SYT10: variants seen among roughly 807,000 people sequenced by gnomAD.
SYT10 encodes the protein synaptotagmin-10.
Under a neutral mutation model 51.1 loss-of-function variants are expected in SYT10, and 31 were observed. That is an observed-to-expected ratio of 0.61 (90% CI 0.46 to 0.82). The LOEUF is 0.82. Among genes scored for constraint, SYT10 ranks in the 40% least tolerant of loss-of-function variants. The pLI is 0.00. For synonymous variants in SYT10, 233 were observed against 225.9 expected, an observed-to-expected ratio of 1.03 and a Z score of -0.28; for missense variants, 603 against 634.0, an observed-to-expected ratio of 0.95 and a Z score of 0.53.
intron 1 of SYT10, among the ~76,000 whole-genome samples, chr12:33,429,304 T>C (rs1470706542): frequency 6.6e-6 from 1 of 152,214 alleles, no homozygotes; most frequent in South Asian, 2.1e-4. Context: ...TATTTTTCTC[T>C]CCAAAGGAGG....
intron 3 of SYT10, among the ~76,000 whole-genome samples, chr12:33,396,652 T>C (rs896182309): frequency 1.3e-5 from 2 of 152,318 alleles, no homozygotes; most frequent in African/African-American, 4.8e-5. Flanking sequence ...GCAGAAATTC[T>C]TACTTTTTCA....
At chr12:33,415,543 A>G (rs1866445519) in intron 2 of SYT10, among the ~76,000 whole-genome samples, 1 of 152,216 alleles carries the variant, frequency 6.6e-6, no homozygotes, top group South Asian at 2.1e-4. Flanking sequence ...ATATTGCTTA[A>G]GAAATCACAG....
At chr12:33,399,235 T>G (rs764472302) in intron 3 of SYT10, among the ~76,000 whole-genome samples, 8 of 152,186 alleles carry the variant, frequency 5.3e-5, no homozygotes, top group Non-Finnish European at 1.2e-4. Context: ...ATGACACCCT[T>G]CCAATGAGTC....
intron 3 of SYT10, among the ~76,000 whole-genome samples, chr12:33,395,549 G>C (rs1316250340): frequency 6.6e-6 from 1 of 152,162 alleles, no homozygotes. Flanking sequence ...CCAGGACACA[G>C]CTGATAGAAT....
chr12:33,386,588 G>C (rs529181208), intron 3 of SYT10, among the ~76,000 whole-genome samples: 1 of 151,994 alleles, frequency 6.6e-6, no homozygotes, highest in East Asian at 1.9e-4. Flanking sequence ...TCTGCAGTGG[G>C]GTCTTCTCCC....
At chr12:33,398,369 C>T (rs1269860154) in intron 3 of SYT10, among the ~76,000 whole-genome samples, 6 of 151,726 alleles carry the variant, frequency 4.0e-5, no homozygotes, top group Admixed American at 2.6e-4. Context: ...AAAAATTAGC[C>T]GAGCGTGGTG....
At chr12:33,392,641 G>A (rs746272591) in intron 3 of SYT10, among the ~76,000 whole-genome samples, 12 of 152,012 alleles carry the variant, frequency 7.9e-5, no homozygotes, top group Admixed American at 2.0e-4. Context: ...CTCACCAGGT[G>A]CCTTTTAGCA....
At position 33,394,426 on chromosome 12, in the gene SYT10, G is replaced by A. The variant is rs1481544532; in HGVS notation, c.1078-9135C>T. Among the ~76,000 whole-genome samples, 3 of 152,156 alleles carry A rather than the reference G, an allele frequency of 2.0e-5. No individual in the cohort carries two copies. In the East Asian group the frequency reaches 5.8e-4, roughly 29 times the overall value. On this transcript the variant is annotated intron_variant, in intron 3 of 6. Coordinates refer to ENST00000228567, the MANE Select transcript of SYT10 (RefSeq NM_198992.4). ...CAAAATATGAGGGTAATACATTTAA[G>A]AAATCTAAATATTAGGGCAAGAACT...
chr12:33,429,257 C>T (rs1299670822), intron 1 of SYT10, among the ~76,000 whole-genome samples: 4 of 152,112 alleles, frequency 2.6e-5, no homozygotes, highest in Non-Finnish European at 1.5e-5. Flanking sequence ...TTATAGGTCT[C>T]GAGGCAGGAA....
intron 3 of SYT10, among the ~76,000 whole-genome samples, chr12:33,386,325 C>T (rs577639454): frequency 4.1e-4 from 62 of 152,258 alleles, no homozygotes; most frequent in African/African-American, 1.3e-3. Flanking sequence ...ACGTCACACA[C>T]ATAAGGTTTA....
At chr12:33,412,003 A>ATAGAAAATCT (rs1157026765) in intron 2 of SYT10, among the ~76,000 whole-genome samples, 1 of 152,156 alleles carries the variant, frequency 6.6e-6, no homozygotes, top group Non-Finnish European at 1.5e-5. Context: ...ATTTTATTGA[A>ATAGAAAATCT]TAGAAAATCT....
intron 2 of SYT10, among the ~76,000 whole-genome samples, chr12:33,409,574 C>T (rs537317423): frequency 6.6e-6 from 1 of 151,160 alleles, no homozygotes. Flanking sequence ...AGTGCAGTGG[C>T]GTGATCTCGG....
intron 5 of SYT10, among the ~76,000 whole-genome samples, chr12:33,380,760 A>G (rs1866107062): frequency 6.6e-6 from 1 of 152,202 alleles, no homozygotes; most frequent in Admixed American, 6.5e-5. Flanking sequence ...AGTAAGAGGC[A>G]GAGACAGGAG....
chr12:33,395,812 C>T (rs879527658), intron 3 of SYT10, among the ~76,000 whole-genome samples: 1 of 152,250 alleles, frequency 6.6e-6, no homozygotes. Context: ...ATATTAGTTT[C>T]GGCAATTCCA....
chr12:33,407,277 A>G lies in SYT10; in HGVS notation c.589T>C (p.Leu197=), dbSNP rs1458072833. The G allele has an allele frequency of 6.2e-7, 1 of 1,613,280 alleles. No homozygotes were observed. The highest frequency in any genetic ancestry group is 2.2e-5 in the East Asian group (1 of 44,888). ...VDFSMGTEPV[L]QRGETTTSIG... ...CTGGTTGTTGTTTCTCCTCGTTGTAAAACAGGTTCTGTGCCCATGCTAAAA... is the reference window on the plus strand; with the variant it reads ...CTGGTTGTTGTTTCTCCTCGTTGTAGAACAGGTTCTGTGCCCATGCTAAAA... Residue 197 remains leucine, a synonymous_variant, in exon 3 of 7, where the codon TTA becomes CTA. Coordinates refer to ENST00000228567, the MANE Select transcript of SYT10 (RefSeq NM_198992.4).
At chr12:33,406,736 C>T (rs531915199) in intron 3 of SYT10, 53 bp downstream of exon 3, 3 of 1,425,790 alleles carry the variant, frequency 2.1e-6, no homozygotes, top group South Asian at 2.7e-5. Context: ...TAATTAGTCA[C>T]ATAGCATTGT....
intron 3 of SYT10, among the ~76,000 whole-genome samples, chr12:33,392,923 G>T (rs563971758): frequency 7.9e-6 from 1 of 127,228 alleles, no homozygotes; most frequent in South Asian, 2.7e-4. Flanking sequence ...TCCATTTTCA[G>T]TTCCCTTCCA....
Position 33,411,660 on chromosome 12 carries a change from T to G in SYT10, c.510-4304A>C, listed in dbSNP as rs182966082. 1.6e-3 allele frequency among the ~76,000 whole-genome samples: 246 copies of G among 152,274 alleles called. 3 individuals carry two copies. The Middle Eastern group carries it at 0.041, about 25-fold the overall frequency. On this transcript the variant is annotated intron_variant, in intron 2 of 6. Coordinates refer to ENST00000228567, the MANE Select transcript of SYT10 (RefSeq NM_198992.4). ...GAGAGAATTGGCCCCTAATTGAAAC[T>G]ACACTGGCTTTATGACTCAATATTT...
chr12:33,395,486 G>A (rs1344752940), intron 3 of SYT10, among the ~76,000 whole-genome samples: 5 of 152,160 alleles, frequency 3.3e-5, no homozygotes, highest in African/African-American at 1.2e-4. Context: ...TGGAGCATTA[G>A]GGAGCTAAAT....
Sources: allele counts gnomAD v4.1 joint callset (sites outside exome capture counted in the v4.1 genomes callset), GRCh38; gene constraint gnomAD v4.1.1; transcripts MANE v1.5; gene names NCBI Gene and HGNC (gene_info 2026-07-23, HGNC 2026-07-21).